Variants in CDH10 observed in about 807,000 individuals in gnomAD.
CDH10 encodes the protein cadherin 10.
Under a neutral mutation model 73.1 loss-of-function variants are expected in CDH10, and 30 were observed. The observed-to-expected ratio is 0.41, with a 90% confidence interval of 0.31 to 0.56. CDH10 has a LOEUF of 0.56. CDH10 is among the 20% of genes least tolerant of loss of function. The pLI is 0.27. For missense variants in CDH10, 815 were observed against 973.7 expected (o/e 0.84, Z 2.17); for synonymous variants, 345 against 348.2 (o/e 0.99, Z 0.10).
intron 2 of CDH10, among the ~76,000 whole-genome samples, chr5:24,592,950 G>A (rs1386848093): frequency 6.6e-6 from 1 of 151,416 alleles, no homozygotes; most frequent in South Asian, 2.1e-4. Context: ...TTAAATGACT[G>A]TATTTACATA....
At chr5:24,530,197 T>A (rs948497002) in intron 5 of CDH10, among the ~76,000 whole-genome samples, 3 of 151,726 alleles carry the variant, frequency 2.0e-5, no homozygotes, top group African/African-American at 7.3e-5. Flanking sequence ...AGACATTCTC[T>A]GGAGTGTTAA....
chr5:24,571,579 T>G (rs1252502418), intron 2 of CDH10, among the ~76,000 whole-genome samples: 1 of 152,068 alleles, frequency 6.6e-6, no homozygotes, highest in Non-Finnish European at 1.5e-5. Context: ...AGACACTGAC[T>G]AGAATAGAGC....
intron 1 of CDH10, among the ~76,000 whole-genome samples, chr5:24,638,975 G>T (rs762334009): frequency 6.6e-6 from 1 of 151,462 alleles, no homozygotes; most frequent in East Asian, 1.9e-4. Context: ...TGAGTTAGAG[G>T]TATAAAAATT....
intron 1 of CDH10, among the ~76,000 whole-genome samples, chr5:24,629,628 A>G (rs6885862): frequency 0.26 from 38,911 of 151,818 alleles, 6,083 homozygotes; most frequent in African/African-American, 0.45. Flanking sequence ...GATCATGGGG[A>G]CAGTTTCCCC....
intron 1 of CDH10, among the ~76,000 whole-genome samples, chr5:24,633,539 A>T (rs1211794453): frequency 6.6e-6 from 1 of 151,856 alleles, no homozygotes; most frequent in Non-Finnish European, 1.5e-5. Context: ...AATAACAATA[A>T]TTCAGCCCCT....
At chr5:24,606,459 A>C (rs1746764837) in intron 1 of CDH10, among the ~76,000 whole-genome samples, 1 of 151,970 alleles carries the variant, frequency 6.6e-6, no homozygotes, top group South Asian at 2.1e-4. Flanking sequence ...AAAAATACAA[A>C]AATTAGCCAG....
Position 24,509,652 on chromosome 5 carries a change from C to A in CDH10, c.1170G>T (p.Leu390=). The change falls in exon 7 of 12, where the codon CTG becomes CTT. Residue 390 remains leucine, a synonymous_variant. Transcript: ENST00000264463. The part of the protein sequence containing the change: ...EPPVFSRSSY[L]FEVHEDIEVG... ...CTTCAATATCTTCATGAACTTCAAA[C>A]AGATAGGAGGACCTACTAAAAACAG... 6.2e-7 allele frequency: 1 copy of A among 1,613,336 alleles called. No individual in the cohort carries two copies. The highest frequency in any genetic ancestry group is 8.5e-7 in the Non-Finnish European group (1 of 1,179,308).
chr5:24,619,091 C>T (rs369405513), intron 1 of CDH10, among the ~76,000 whole-genome samples: 57 of 152,244 alleles, frequency 3.7e-4, no homozygotes, highest in South Asian at 6.2e-4. Context: ...CACCACTGCA[C>T]GTTGGAAGTA....
At chr5:24,559,096 C>T (rs1275607634) in intron 2 of CDH10, among the ~76,000 whole-genome samples, 1 of 146,544 alleles carries the variant, frequency 6.8e-6, no homozygotes, top group Non-Finnish European at 1.5e-5. Flanking sequence ...TAAAAATAGA[C>T]ATTGGATCCC....
chr5:24,575,384 GAA>G (rs1177170961), intron 2 of CDH10, among the ~76,000 whole-genome samples: 2 of 132,328 alleles, frequency 1.5e-5, no homozygotes, highest in East Asian at 4.6e-4. Context: ...GGAAAAAAAA[GAA>G]AAGTCTCCTG....
At chr5:24,579,884 C>G (rs1745732789) in intron 2 of CDH10, among the ~76,000 whole-genome samples, 1 of 152,076 alleles carries the variant, frequency 6.6e-6, no homozygotes, top group South Asian at 2.1e-4. Flanking sequence ...AAATACCATA[C>G]AGAAGGTAAT....
chr5:24,642,319 A>G (rs910447157), intron 1 of CDH10, among the ~76,000 whole-genome samples: 3 of 152,150 alleles, frequency 2.0e-5, no homozygotes, highest in African/African-American at 7.2e-5. Flanking sequence ...TCATAAGCAC[A>G]GAAATCCCCC....
At chr5:24,589,529 T>G (rs1746132573) in intron 2 of CDH10, among the ~76,000 whole-genome samples, 1 of 152,056 alleles carries the variant, frequency 6.6e-6, no homozygotes, top group African/African-American at 2.4e-5. Flanking sequence ...TCTCAATTTT[T>G]GGTTTTGATT....
At chr5:24,517,337 G>A (rs1743145049) in intron 5 of CDH10, among the ~76,000 whole-genome samples, 1 of 152,118 alleles carries the variant, frequency 6.6e-6, no homozygotes, top group Non-Finnish European at 1.5e-5. Flanking sequence ...TAATACCACT[G>A]TTTTCACATT....
At chr5:24,638,964 T>C (rs1747955204) in intron 1 of CDH10, among the ~76,000 whole-genome samples, 1 of 151,694 alleles carries the variant, frequency 6.6e-6, no homozygotes, top group African/African-American at 2.4e-5. Context: ...TTTAAACCAC[T>C]TGAGTTAGAG....
At position 24,581,590 on chromosome 5, in the gene CDH10, G is replaced by A. The variant is rs528329656; in HGVS notation, c.231+11670C>T. 3.8e-4 allele frequency among the ~76,000 whole-genome samples: 58 copies of A among 152,282 alleles called. 1 individual carries two copies. In the South Asian group the frequency reaches 0.011, roughly 29 times the overall value. On this transcript the variant is annotated intron_variant, in intron 2 of 11. Transcript: ENST00000264463. Reference sequence around the variant, plus strand: ...TGCAGTGATGTGACCAAGTGACCTAGAGATTGCCCAGAAAATACTTGGTGT... The same window carrying A: ...TGCAGTGATGTGACCAAGTGACCTAAAGATTGCCCAGAAAATACTTGGTGT...
chr5:24,600,570 C>G (rs1354709259), intron 1 of CDH10, among the ~76,000 whole-genome samples: 1 of 151,920 alleles, frequency 6.6e-6, no homozygotes, highest in Non-Finnish European at 1.5e-5. Context: ...CTACCTGGCA[C>G]AAATGAAAGA....
At chr5:24,593,945 A>G (rs1579453950) in intron 1 of CDH10, among the ~76,000 whole-genome samples, 1 of 151,956 alleles carries the variant, frequency 6.6e-6, no homozygotes, top group East Asian at 1.9e-4. Flanking sequence ...CAATTTTTTC[A>G]GAGTAATTTA....
At chr5:24,493,821 G>A (rs972607573) in intron 9 of CDH10, among the ~76,000 whole-genome samples, 40 of 151,794 alleles carry the variant, frequency 2.6e-4, no homozygotes, top group Non-Finnish European at 1.8e-4. Flanking sequence ...TTTTTACTGC[G>A]TTAACTCAAT....
Sources: allele counts gnomAD v4.1 joint callset (sites outside exome capture counted in the v4.1 genomes callset), GRCh38; gene constraint gnomAD v4.1.1; transcripts MANE v1.5; gene names NCBI Gene and HGNC (gene_info 2026-07-23, HGNC 2026-07-21).